Variants in GALNT13 observed in about 807,000 individuals in gnomAD.
GALNT13 encodes polypeptide N-acetylgalactosaminyltransferase 13.
Under a neutral mutation model 64.2 loss-of-function variants are expected in GALNT13, and 28 were observed. The observed-to-expected ratio is 0.44, with a 90% CI of 0.32 to 0.60. GALNT13 has a LOEUF of 0.60. Ranked by LOEUF, GALNT13 falls within the 20% of genes least tolerant of loss-of-function variation. The pLI, the probability that GALNT13 is intolerant of heterozygous loss-of-function variation, is 0.05. For synonymous variants in GALNT13, 214 were observed against 224.6 expected, an observed-to-expected ratio of 0.95 and a Z score of 0.42; for missense variants, 577 against 669.8, an observed-to-expected ratio of 0.86 and a Z score of 1.53.
intron 2 of GALNT13, among the ~76,000 whole-genome samples, chr2:153,926,006 A>G (rs1257715107): frequency 1.3e-5 from 2 of 152,008 alleles, no homozygotes; most frequent in Admixed American, 6.6e-5. Context: ...GCAAACAAAG[A>G]TAGTTTGACT....
the GALNT13 span, among the ~76,000 whole-genome samples, chr2:153,841,528 C>T: frequency 6.6e-6 from 1 of 152,084 alleles, no homozygotes; most frequent in African/African-American, 2.4e-5. Context: ...TATGAATTAA[C>T]AGAAAAGAAA....
the GALNT13 span, among the ~76,000 whole-genome samples, chr2:153,603,444 C>T: frequency 4.0e-5 from 6 of 151,868 alleles, no homozygotes; most frequent in Non-Finnish European, 7.4e-5. Flanking sequence ...CCAGATGTTA[C>T]CATATACTTG....
At chr2:153,344,190 T>C in the GALNT13 span, among the ~76,000 whole-genome samples, 1 of 152,206 alleles carries the variant, frequency 6.6e-6, no homozygotes, top group Non-Finnish European at 1.5e-5. Flanking sequence ...GATACATTAC[T>C]ACCCTCATTA....
At chr2:153,465,185 A>G in the GALNT13 span, among the ~76,000 whole-genome samples, 1 of 151,994 alleles carries the variant, frequency 6.6e-6, no homozygotes, top group Non-Finnish European at 1.5e-5. Flanking sequence ...CTGAAACATT[A>G]CTCTTGTTGG....
intron 4 of GALNT13, among the ~76,000 whole-genome samples, chr2:154,205,607 C>T (rs1040028063): frequency 6.6e-6 from 1 of 152,128 alleles, no homozygotes; most frequent in East Asian, 1.9e-4. Flanking sequence ...GTTTGTTGGA[C>T]TTACATTTCC....
chr2:153,435,952 T>G, the GALNT13 span, among the ~76,000 whole-genome samples: 1 of 152,184 alleles, frequency 6.6e-6, no homozygotes, highest in Non-Finnish European at 1.5e-5. Context: ...CAGTATGATA[T>G]TGGCTGTGGG....
chr2:153,490,215 T>A, the GALNT13 span, among the ~76,000 whole-genome samples: 34 of 152,352 alleles, frequency 2.2e-4, no homozygotes, highest in South Asian at 6.6e-3. Context: ...TATTAAAAGT[T>A]ATCTACGTTT....
intron 4 of GALNT13, among the ~76,000 whole-genome samples, chr2:154,156,694 CT>C (rs1684442503): frequency 6.6e-6 from 1 of 152,096 alleles, no homozygotes; most frequent in South Asian, 2.1e-4. Context: ...CTCTCAACCA[CT>C]ACAGAACACC....
chr2:153,175,391 T>C, the GALNT13 span, among the ~76,000 whole-genome samples: 4 of 152,170 alleles, frequency 2.6e-5, no homozygotes, highest in Non-Finnish European at 5.9e-5. Context: ...AGAGTGTAAT[T>C]TGCAAATTCT....
the GALNT13 span, among the ~76,000 whole-genome samples, chr2:153,770,253 C>T: frequency 7.3e-6 from 1 of 136,710 alleles, no homozygotes; most frequent in Admixed American, 8.5e-5. Context: ...GATGAAATTT[C>T]CCACCCTACC....
chr2:153,282,393 G>A, the GALNT13 span, among the ~76,000 whole-genome samples: 3 of 152,036 alleles, frequency 2.0e-5, no homozygotes, highest in African/African-American at 7.2e-5. Context: ...GTTTTGATTA[G>A]GGATAATTGC....
chr2:153,533,728 T>TTTTTTC, the GALNT13 span, among the ~76,000 whole-genome samples: 3 of 103,226 alleles, frequency 2.9e-5, no homozygotes, highest in East Asian at 7.0e-4. Context: ...TTTTTCTTTT[T>TTTTTTC]TTTTTTTTTT....
At chr2:154,317,186 G>A (rs376376899) in intron 9 of GALNT13, among the ~76,000 whole-genome samples, 69 of 148,536 alleles carry the variant, frequency 4.6e-4, no homozygotes, top group Non-Finnish European at 7.9e-4. Context: ...GTACTCCAGC[G>A]TGAGTGACAA....
intron 4 of GALNT13, among the ~76,000 whole-genome samples, chr2:154,227,186 A>G (rs1702667155): frequency 6.6e-6 from 1 of 152,070 alleles, no homozygotes; most frequent in Admixed American, 6.6e-5. Context: ...AGCTGAAGAA[A>G]TGAGTGGGTG....
chr2:153,963,521 C>T (rs2105100561), intron 3 of GALNT13, among the ~76,000 whole-genome samples: 1 of 152,236 alleles, frequency 6.6e-6, no homozygotes, highest in East Asian at 1.9e-4. Flanking sequence ...AGTTGTTAGA[C>T]TATTTTCTAT....
chr2:153,467,651 T>C, the GALNT13 span, among the ~76,000 whole-genome samples: 2 of 152,118 alleles, frequency 1.3e-5, no homozygotes, highest in African/African-American at 4.8e-5. Flanking sequence ...TACATCACTC[T>C]GAAAACTTTG....
chr2:153,357,002 G>T, the GALNT13 span, among the ~76,000 whole-genome samples: 32,165 of 151,702 alleles, frequency 0.21, 3,731 homozygotes, highest in African/African-American at 0.3. Context: ...TAGAAATGGG[G>T]TTTCACCGTG....
chr2:153,874,023 C>G (rs1227630738), intron 1 of GALNT13, among the ~76,000 whole-genome samples: 1 of 151,924 alleles, frequency 6.6e-6, no homozygotes, highest in East Asian at 1.9e-4. Flanking sequence ...TACACGCATC[C>G]TTTCCTTTTC....
the GALNT13 span, among the ~76,000 whole-genome samples, chr2:153,285,853 A>G: frequency 6.6e-6 from 1 of 152,154 alleles, no homozygotes; most frequent in African/African-American, 2.4e-5. Flanking sequence ...ATTAAGTGAT[A>G]TGTTTAATTA....
Sources: gnomAD v4.1 joint callset for allele counts (sites outside exome capture counted in the v4.1 genomes callset) on GRCh38, gnomAD v4.1.1 for gene constraint, MANE v1.5 for transcripts, NCBI Gene and HGNC (gene_info 2026-07-23, HGNC 2026-07-21) for gene names.